UBAP1: variants seen among roughly 807,000 people sequenced by gnomAD.
The protein encoded by UBAP1 is ubiquitin-associated protein 1.
A neutral mutation model predicts 39.0 loss-of-function variants in UBAP1; 5 were observed. That is an observed-to-expected ratio of 0.13 (90% CI 0.07 to 0.27). The LOEUF is 0.27. Among genes scored for constraint, UBAP1 ranks in the 10% least tolerant of loss-of-function variants. UBAP1 has a pLI of 1.00. For missense variants in UBAP1, 490 were observed against 608.1 expected (o/e 0.81, Z 2.04); for synonymous variants, 211 against 225.1 (o/e 0.94, Z 0.56).
At position 34,242,021 on chromosome 9, in the gene UBAP1, G is replaced by T. The variant is rs551328141; in HGVS notation, c.996G>T (p.Met332Ile). Reference sequence around the variant, plus strand: ...TGAACTTGGACAGTGGCACAGAGATGCCAGCCCTGACATCCTCCCAGATGC... The same window carrying T: ...TGAACTTGGACAGTGGCACAGAGATTCCAGCCCTGACATCCTCCCAGATGC... ...SALNLDSGTE[M>I]PALTSSQMPS... is the part of the protein sequence containing the mutation. The change falls in exon 4 of 7, where the codon ATG becomes ATT. Residue 332 changes from methionine (M) to isoleucine (I), a missense_variant. By Grantham distance (10) the Met-to-Ile change is conservative. Around this residue, in one of 3 missense-constraint regions of UBAP1, gnomAD observed 339 missense variants for 390.0 expected, o/e 0.87. Transcript: ENST00000297661. 1 of 1,614,164 alleles carries T rather than the reference G, an allele frequency of 6.2e-7. No individual in the cohort carries two copies. The highest frequency in any genetic ancestry group is 1.1e-5 in the South Asian group (1 of 91,078).
chr9:34,247,785 T>A (rs1403805707), intron 4 of UBAP1, among the ~76,000 whole-genome samples: 2 of 152,316 alleles, frequency 1.3e-5, no homozygotes, highest in Middle Eastern at 3.4e-3. Flanking sequence ...TTTGCTAACC[T>A]AACACCCTGT....
At chr9:34,215,155 A>G (rs984492299) in intron 1 of UBAP1, among the ~76,000 whole-genome samples, 1 of 152,162 alleles carries the variant, frequency 6.6e-6, no homozygotes. Flanking sequence ...AAGTCATTTG[A>G]AAAAGATGCT....
In UBAP1 at chr9:34,241,671, G is replaced by A. The variant is rs370224733; in HGVS notation, c.646G>A (p.Ala216Thr). The change falls in exon 4 of 7, where the codon GCA (alanine) becomes ACA (threonine). Residue 216 changes from alanine (A) to threonine (T), a missense_variant. Coordinates refer to ENST00000297661, the MANE Select transcript of UBAP1 (RefSeq NM_016525.5). ...TGTGTTACAGGATGAGGAGGTCCTG[G>A]CATCCTTGGAACGGGCAACCCTAGA... is the stretch of plus-strand genomic sequence containing the variant. ...GSVLQDEEVL[A>T]SLERATLDFK... is the part of the protein sequence containing the mutation. 27 of 1,613,852 alleles carry A rather than the reference G, an allele frequency of 1.7e-5. No individual in the cohort carries two copies. Among genetic ancestry groups the A allele is most frequent in the Non-Finnish European group, 2.1e-5 (25 of 1,180,004 alleles).
At chr9:34,250,631 T>G in intron 5 of UBAP1, 27 bp from the exon 6 acceptor site, 4 of 1,589,262 alleles carry the variant, frequency 2.5e-6, no homozygotes, top group Non-Finnish European at 3.4e-6. Context: ...CAGCAGTAGG[T>G]GCTAAACCCC....
chr9:34,182,620 T>TTTCTTTCC (rs1554644955), intron 1 of UBAP1, among the ~76,000 whole-genome samples: 2 of 29,248 alleles, frequency 6.8e-5, no homozygotes, highest in African/African-American at 3.2e-4. Context: ...TCTTTCCTTC[T>TTTCTTTCC]TTCTTTCTTT....
chr9:34,183,367 T>A (rs923892279), intron 1 of UBAP1, among the ~76,000 whole-genome samples: 1 of 150,902 alleles, frequency 6.6e-6, no homozygotes, highest in Non-Finnish European at 1.5e-5. Flanking sequence ...CACGGTGAAA[T>A]CCCGTCTGTA....
chr9:34,218,587 TGC>T (rs1832479724), intron 1 of UBAP1, among the ~76,000 whole-genome samples: 1 of 152,204 alleles, frequency 6.6e-6, no homozygotes, highest in Admixed American at 6.5e-5. Context: ...TTCTGGTATG[TGC>T]CTACGTGGGA....
intron 1 of UBAP1, 104 bp downstream of exon 1, chr9:34,179,344 A>T: frequency 1.1e-6 from 1 of 900,792 alleles, no homozygotes; most frequent in East Asian, 3.3e-5. Flanking sequence ...GAGCGAGGTG[A>T]AGGGCGCCGG....
At chr9:34,189,497 T>C (rs1830600241) in intron 1 of UBAP1, among the ~76,000 whole-genome samples, 1 of 151,886 alleles carries the variant, frequency 6.6e-6, no homozygotes, top group Non-Finnish European at 1.5e-5. Flanking sequence ...CCGATCATTA[T>C]GTCTTATAGG....
chr9:34,188,472 A>T (rs1830537923), intron 1 of UBAP1, among the ~76,000 whole-genome samples: 1 of 133,890 alleles, frequency 7.5e-6, no homozygotes, highest in Non-Finnish European at 1.5e-5. Flanking sequence ...TTGCCCTGGT[A>T]CCCAGGTTGG....
Position 34,250,632 on chromosome 9 carries a change from G to A in UBAP1, c.1267-26G>A, listed in dbSNP as rs370787013. The A allele has an allele frequency of 6.6e-5, 106 of 1,595,640 alleles. No homozygotes were observed. The African/African-American group carries it at 1.4e-3, about 21-fold the overall frequency. Reference sequence around the variant, plus strand: ...AGCACAGCAAAGAGCAGCAGTAGGTGCTAAACCCCTTGTTTCTTTTCTTAG... The same window carrying A: ...AGCACAGCAAAGAGCAGCAGTAGGTACTAAACCCCTTGTTTCTTTTCTTAG... On this transcript the variant is annotated intron_variant, in intron 5 of 6. Transcript: ENST00000297661.
At chr9:34,181,632 C>T (rs1830040803) in intron 1 of UBAP1, among the ~76,000 whole-genome samples, 2 of 148,338 alleles carry the variant, frequency 1.3e-5, no homozygotes, top group Admixed American at 1.4e-4. Context: ...CGGGGTTTCA[C>T]TGGGTTAGCC....
In UBAP1 at chr9:34,204,383, C is replaced by CA. The variant is rs200984152; in HGVS notation, c.-7-16518dup. ...ATAGTAAGGATTTTCTTATAAAAAA[C>CA]AAAAAAAGGGTGTGGATTGTATATA... On this transcript the variant is annotated intron_variant, in intron 1 of 6. Transcript: ENST00000297661. Among the ~76,000 whole-genome samples, 791 of 150,710 alleles carry CA rather than the reference C, an allele frequency of 5.2e-3. 17 individuals carry two copies. The East Asian group carries it at 0.067, about 13-fold the overall frequency.
chr9:34,228,291 A>G (rs1785198325), intron 2 of UBAP1, among the ~76,000 whole-genome samples: 1 of 142,322 alleles, frequency 7.0e-6, no homozygotes, highest in Admixed American at 7.0e-5. Flanking sequence ...GGTGGCAGGC[A>G]CCTGTAGTCC....
intron 1 of UBAP1, among the ~76,000 whole-genome samples, chr9:34,198,216 C>T (rs1831170567): frequency 6.6e-6 from 1 of 152,198 alleles, no homozygotes. Context: ...TCTGGAATTT[C>T]CCCGGTCAGG....
chr9:34,185,004 G>A (rs1830319070), intron 1 of UBAP1, among the ~76,000 whole-genome samples: 3 of 142,296 alleles, frequency 2.1e-5, no homozygotes, highest in Admixed American at 7.5e-5. Flanking sequence ...GTGTGATCTC[G>A]GCTCACTGCA....
At chr9:34,182,681 T>TTCTTTCTTTCTTTCTTTCTCTCTCTCTC (rs1491429494) in intron 1 of UBAP1, among the ~76,000 whole-genome samples, 2 of 115,496 alleles carry the variant, frequency 1.7e-5, no homozygotes, top group East Asian at 2.6e-4. Flanking sequence ...CTTTCTTTCT[T>TTCTTTCTTTCTTTCTTTCTCTCTCTCTC]TCTCTCTCTC....
At chr9:34,186,346 T>C (rs1345147420) in intron 1 of UBAP1, among the ~76,000 whole-genome samples, 4 of 152,168 alleles carry the variant, frequency 2.6e-5, no homozygotes, top group African/African-American at 7.2e-5. Flanking sequence ...AAATTTGTAT[T>C]TGGCAGTAAT....
chr9:34,223,510 A>G (rs1319451888), intron 2 of UBAP1, among the ~76,000 whole-genome samples: 1 of 152,020 alleles, frequency 6.6e-6, no homozygotes, highest in East Asian at 1.9e-4. Context: ...GCTGGAGTGC[A>G]GTAGCACGAT....
Sources: allele counts gnomAD v4.1 joint callset (sites outside exome capture counted in the v4.1 genomes callset), GRCh38; gene constraint gnomAD v4.1.1; regional missense constraint gnomAD v4.1.1; transcripts MANE v1.5; gene names NCBI Gene and HGNC (gene_info 2026-07-23, HGNC 2026-07-21).